Variants in RNF115 observed in about 807,000 individuals in gnomAD.
RNF115 encodes the protein ring finger protein 115.
RNF115 carries 31 observed loss-of-function variants against 39.2 expected under a neutral mutation model. The observed-to-expected ratio is 0.79, with a 90% CI of 0.59 to 1.07. The LOEUF (loss-of-function observed/expected upper bound fraction) is 1.07, where lower values mean the gene tolerates loss of function less well. Ranked by LOEUF, RNF115 falls within the 50% of genes least tolerant of loss-of-function variation. The pLI is 0.00. For synonymous variants in RNF115, 124 were observed against 131.0 expected, an observed-to-expected ratio of 0.95 and a Z score of 0.37; for missense variants, 384 against 381.7, an observed-to-expected ratio of 1.01 and a Z score of -0.05.
In RNF115 at chr1:145,760,677, T is replaced by C. The variant is rs190346712; in HGVS notation, c.429-7628A>G. On this transcript the variant is annotated intron_variant, in intron 4 of 8. Transcript: ENST00000582693. ...GGAACTGTAAGTCCAATTAAAGCTC[T>C]TTTTCTTCCCAGTCTTGGGTATGTC... is the stretch of plus-strand genomic sequence containing the variant. 6.0e-4 allele frequency among the ~76,000 whole-genome samples: 92 copies of C among 152,320 alleles called. No individual in the cohort carries two copies. In the East Asian group the frequency reaches 0.013, roughly 22 times the overall value.
Position 145,753,991 on chromosome 1 carries a change from G to A in RNF115, c.429-942C>T, listed in dbSNP as rs904109759. On this transcript the variant is annotated intron_variant, in intron 4 of 8. Transcript: ENST00000582693. The stretch of plus-strand genomic sequence containing the variant: ...CCCAAAGTGCTGGGATTACAGGTGT[G>A]AGCCACCACGCCCAGCAATGATATG... Among the ~76,000 whole-genome samples the A allele has an allele frequency of 3.9e-5, 6 of 152,024 alleles. No homozygotes were observed. In the South Asian group the frequency reaches 6.2e-4, roughly 16 times the overall value.
At chr1:145,811,928 T>TACAC (rs1228905170) in intron 1 of RNF115, among the ~76,000 whole-genome samples, 1 of 113,514 alleles carries the variant, frequency 8.8e-6, no homozygotes, top group African/African-American at 2.8e-5. Context: ...TATATATATA[T>TACAC]ATATACACAC....
intron 1 of RNF115, among the ~76,000 whole-genome samples, chr1:145,811,883 C>CAAAAAAAAAAAAAAAAAA (rs67086842): frequency 5.6e-5 from 2 of 35,838 alleles, no homozygotes; most frequent in African/African-American, 6.9e-5. Flanking sequence ...TTCTGTCTCA[C>CAAAAAAAAAAAAAAAAAA]AAAAAAAAAA....
At position 145,751,434 on chromosome 1, in the gene RNF115, T is replaced by C. The variant is rs1553712465; in HGVS notation, c.573+4A>G. On this transcript the variant is annotated splice_donor_region_variant and intron_variant, in intron 6 of 8. Transcript: ENST00000582693. ...ACAGACACCCTCAAAAGGCAGCTCC[T>C]CACCTGGGTTACAATGGCATCAAGC... 6.4e-7 allele frequency: 1 copy of C among 1,573,640 alleles called. No individual in the cohort carries two copies. Among genetic ancestry groups the C allele is most frequent in the Non-Finnish European group, 8.6e-7 (1 of 1,158,258 alleles).
chr1:145,806,859 G>A lies in RNF115; in HGVS notation c.102+16913C>T, dbSNP rs200305273. 2.6e-5 allele frequency among the ~76,000 whole-genome samples: 4 copies of A among 152,334 alleles called. No individual in the cohort carries two copies. The East Asian group carries it at 7.7e-4, about 29-fold the overall frequency. On this transcript the variant is annotated intron_variant, in intron 1 of 8. Coordinates refer to ENST00000582693, the MANE Select transcript of RNF115 (RefSeq NM_014455.4). ...CTTTTTCTGTCGCCCAGGCTGGAGT[G>A]CAGTGGCAGGATCTCGGCTCACTGC...
intron 1 of RNF115, among the ~76,000 whole-genome samples, chr1:145,802,996 C>T (rs1649314455): frequency 6.6e-6 from 1 of 152,118 alleles, no homozygotes. Flanking sequence ...GAGTTCTGTT[C>T]CCAGTTCCAC....
chr1:145,785,085 C>A (rs1648319773), intron 2 of RNF115, among the ~76,000 whole-genome samples: 1 of 152,104 alleles, frequency 6.6e-6, no homozygotes, highest in Non-Finnish European at 1.5e-5. Flanking sequence ...ATATTTCTCC[C>A]CCTACCCACC....
intron 1 of RNF115, among the ~76,000 whole-genome samples, chr1:145,790,002 C>A (rs910811453): frequency 6.6e-6 from 1 of 152,018 alleles, no homozygotes; most frequent in South Asian, 2.1e-4. Context: ...CCAGTCCCGG[C>A]CTAGTTTTTT....
At position 145,769,462 on chromosome 1, in the gene RNF115, T is replaced by A. The variant is rs1157452685; in HGVS notation, c.428+2249A>T. On this transcript the variant is annotated intron_variant, in intron 4 of 8. Transcript: ENST00000582693. ...TGTTTAGTAGCCACTATAAAACCGATACTGCACTAGAAGCTGAGAATACAG... is the reference window on the plus strand; with the variant it reads ...TGTTTAGTAGCCACTATAAAACCGAAACTGCACTAGAAGCTGAGAATACAG... Among the ~76,000 whole-genome samples, 3 of 152,168 alleles carry A rather than the reference T, an allele frequency of 2.0e-5. No homozygotes were observed. In the East Asian group the frequency reaches 5.8e-4, roughly 29 times the overall value.
chr1:145,747,257 G>A (rs1359282670), intron 8 of RNF115, among the ~76,000 whole-genome samples: 4 of 152,124 alleles, frequency 2.6e-5, no homozygotes, highest in Non-Finnish European at 4.4e-5. Flanking sequence ...CCACCAAACA[G>A]AACGAACCAG....
At chr1:145,759,307 A>G in intron 4 of RNF115, among the ~76,000 whole-genome samples, 1 of 152,308 alleles carries the variant, frequency 6.6e-6, no homozygotes, top group African/African-American at 2.4e-5. Context: ...TGCCTATTCA[A>G]CATTTCCACT....
intron 4 of RNF115, among the ~76,000 whole-genome samples, chr1:145,758,026 G>C (rs1233075607): frequency 2.0e-5 from 3 of 152,160 alleles, no homozygotes; most frequent in African/African-American, 7.2e-5. Flanking sequence ...TAAATAATTT[G>C]TGGCTAGAGG....
At chr1:145,767,875 A>ACTC (rs1553715252) in intron 4 of RNF115, among the ~76,000 whole-genome samples, 1 of 152,234 alleles carries the variant, frequency 6.6e-6, no homozygotes, top group African/African-American at 2.4e-5. Context: ...CGGCAGGCTG[A>ACTC]GGCAGGAGAA....
chr1:145,777,831 T>A (rs1388986273), intron 3 of RNF115, among the ~76,000 whole-genome samples: 3 of 152,126 alleles, frequency 2.0e-5, no homozygotes, highest in African/African-American at 7.2e-5. Context: ...TATTTACACA[T>A]TCAAAATAAA....
At chr1:145,751,186 A>G (rs1373878113) in intron 6 of RNF115, among the ~76,000 whole-genome samples, 3 of 152,176 alleles carry the variant, frequency 2.0e-5, no homozygotes, top group Admixed American at 6.5e-5. Context: ...ACAAAATACT[A>G]TTTGTTATAG....
intron 4 of RNF115, among the ~76,000 whole-genome samples, chr1:145,758,736 G>A (rs1559106579): frequency 6.6e-6 from 1 of 152,176 alleles, no homozygotes; most frequent in Non-Finnish European, 1.5e-5. Flanking sequence ...CAGCTGATCA[G>A]CTGATGATTT....
At chr1:145,775,224 C>T (rs1428060097) in intron 3 of RNF115, among the ~76,000 whole-genome samples, 1 of 152,074 alleles carries the variant, frequency 6.6e-6, no homozygotes, top group African/African-American at 2.4e-5. Flanking sequence ...CTATACAGAA[C>T]CCTAATTATA....
intron 4 of RNF115, among the ~76,000 whole-genome samples, chr1:145,767,686 G>A (rs1647415993): frequency 6.6e-6 from 1 of 152,216 alleles, no homozygotes; most frequent in Admixed American, 6.5e-5. Flanking sequence ...GGGCACCATT[G>A]AGCACTGAGT....
intron 4 of RNF115, among the ~76,000 whole-genome samples, chr1:145,770,975 A>G (rs1418589482): frequency 6.6e-6 from 1 of 152,222 alleles, no homozygotes. Flanking sequence ...CTTCACAAAA[A>G]GCAGATACTT....
Sources: allele counts gnomAD v4.1 joint callset (sites outside exome capture counted in the v4.1 genomes callset), GRCh38; gene constraint gnomAD v4.1.1; transcripts MANE v1.5; gene names NCBI Gene and HGNC (gene_info 2026-07-23, HGNC 2026-07-21).